Variants in PHC3 observed in about 807,000 individuals in gnomAD.
PHC3 encodes the protein polyhomeotic-like protein 3.
In PHC3, 13 loss-of-function variants were observed where a neutral mutation model predicts 107.4. The ratio of observed to expected loss-of-function variants is 0.12; its 90% CI spans 0.08 to 0.19. The LOEUF is 0.19. Ranked by LOEUF, PHC3 falls within the 10% of genes least tolerant of loss-of-function variation. The pLI, the probability that PHC3 is intolerant of heterozygous loss-of-function variation, is 1.00. For missense variants in PHC3, 992 were observed against 1,210.9 expected (o/e 0.82, Z 2.68); for synonymous variants, 456 against 427.4 (o/e 1.07, Z -0.83).
At chr3:170,170,023 A>G (rs1481713574) in intron 4 of PHC3, 1 of 151,138 alleles carries the variant, frequency 6.6e-6, no homozygotes, top group Non-Finnish European at 1.5e-5. Flanking sequence ...TCTTGTTCAC[A>G]CTCCAGGACA....
intron 11 of PHC3, among the ~76,000 whole-genome samples, chr3:170,110,037 C>T (rs2108317132): frequency 6.6e-6 from 1 of 152,218 alleles, no homozygotes; most frequent in African/African-American, 2.4e-5. Flanking sequence ...TATATTATCT[C>T]TACATCTTCC....
rs1714725748 is a variant in PHC3 at position 170,097,137 on chromosome 3, T to A, written c.*93A>T. The A allele has an allele frequency of 1.7e-5, 22 of 1,271,422 alleles. No homozygotes were observed. Among genetic ancestry groups the A allele is most frequent in the Non-Finnish European group, 2.3e-5 (22 of 944,252 alleles). The allele number at this position is 1,271,422 out of a possible 1,614,324, so 78.8% of individuals were successfully genotyped here. On this transcript the variant is annotated 3_prime_UTR_variant, in exon 15 of 15. Transcript: ENST00000495893. The surrounding 1 kb of genome is among the most constrained non-coding windows in gnomAD (Gnocchi z 4.1). ...CAATGTGCTTGGCTATCCACCACAA[T>A]AAGTGTCATATTCTAGACCAAGTTA...
chr3:170,098,351 C>T (rs969695244), intron 14 of PHC3, among the ~76,000 whole-genome samples: 1 of 152,076 alleles, frequency 6.6e-6, no homozygotes, highest in African/African-American at 2.4e-5. Flanking sequence ...TAAAAACTGA[C>T]AGCTTAAGTT....
chr3:170,115,877 TCACA>T (rs148039100), intron 10 of PHC3, among the ~76,000 whole-genome samples: 16 of 148,566 alleles, frequency 1.1e-4, no homozygotes, highest in East Asian at 6.0e-4. Flanking sequence ...TCCAAGTTTC[TCACA>T]CACACACACA....
At chr3:170,179,648 T>C (rs1389475426) in intron 1 of PHC3, among the ~76,000 whole-genome samples, 1 of 152,216 alleles carries the variant, frequency 6.6e-6, no homozygotes, top group Non-Finnish European at 1.5e-5. Context: ...TTTGAAAACA[T>C]AAATTATGTC....
intron 4 of PHC3, among the ~76,000 whole-genome samples, chr3:170,168,430 A>G (rs1363237250): frequency 6.6e-6 from 1 of 152,180 alleles, no homozygotes; most frequent in East Asian, 1.9e-4. Context: ...ATAAACCTAA[A>G]GGCTCAGTCC....
Position 170,149,155 on chromosome 3 carries a change from A to C in PHC3, c.504T>G (p.Thr168=). ...TAGGGGAAGTACTCCCTAGTAACAT[A>C]GTCTGTTGGGTAATACTGCCGCTGG... The part of the protein sequence containing the change: ...SSTSGSITQQ[T]MLLGSTSPTL... The change falls in exon 5 of 15, where the codon ACT becomes ACG. Residue 168 remains threonine, a synonymous_variant. Coordinates refer to ENST00000495893, the MANE Select transcript of PHC3 (RefSeq NM_024947.4). The C allele has an allele frequency of 3.1e-6, 5 of 1,613,354 alleles. No homozygotes were observed. Among genetic ancestry groups the C allele is most frequent in the Non-Finnish European group, 4.2e-6 (5 of 1,179,768 alleles).
chr3:170,127,658 C>T (rs530259998), intron 8 of PHC3, among the ~76,000 whole-genome samples: 23 of 152,168 alleles, frequency 1.5e-4, no homozygotes, highest in African/African-American at 4.6e-4. Flanking sequence ...AAAAATACTT[C>T]GAAACTCCTT....
intron 4 of PHC3, among the ~76,000 whole-genome samples, chr3:170,158,499 G>A (rs139719368): frequency 0.012 from 1,857 of 152,194 alleles, 40 homozygotes; most frequent in African/African-American, 0.042. Flanking sequence ...CTACTTGGGA[G>A]GCTGAGGCAG....
rs193034527 is a variant in PHC3 at position 170,164,262 on chromosome 3, A to G, written c.414+7111T>C. 2.0e-4 allele frequency among the ~76,000 whole-genome samples: 31 copies of G among 152,326 alleles called. No individual in the cohort carries two copies. In the East Asian group the frequency reaches 5.2e-3, roughly 26 times the overall value. On this transcript the variant is annotated intron_variant, in intron 4 of 14. Transcript: ENST00000495893. Reference sequence around the variant, plus strand: ...TTTAAACAAAACTTTGTGAGAGAAAATGGGACTACTGAAGGGAAGTAGTCA... The same window carrying G: ...TTTAAACAAAACTTTGTGAGAGAAAGTGGGACTACTGAAGGGAAGTAGTCA...
In PHC3 at chr3:170,110,595, T is replaced by A. The variant is rs78325080; in HGVS notation, c.2353+2765A>T. 2.0e-3 allele frequency among the ~76,000 whole-genome samples: 307 copies of A among 152,334 alleles called. 2 individuals are homozygous for A. The highest frequency in any genetic ancestry group is 7.2e-3 in the African/African-American group (299 of 41,586). ...TAATTCAGTGTGACTATACCATCTG[T>A]AGCTCCTTCGTTACCTTTCTGTATG... is the stretch of plus-strand genomic sequence containing the variant. On this transcript the variant is annotated intron_variant, in intron 11 of 14. Coordinates refer to ENST00000495893, the MANE Select transcript of PHC3 (RefSeq NM_024947.4).
rs56986650 is a variant in PHC3 at position 170,163,461 on chromosome 3, AGTGTGTGTGTGTGTGTGTGTGT to A, written c.414+7890_414+7911del. On this transcript the variant is annotated intron_variant, in intron 4 of 14. Transcript: ENST00000495893. Reference sequence around the variant, plus strand: ...GAAAATTCCCAAATATTTAGTAAAGAGTGTGTGTGTGTGTGTGTGTGTGTGTGTGTGTGTGTGTGTGTGATGG... The same window carrying A: ...GAAAATTCCCAAATATTTAGTAAAGAGTGTGTGTGTGTGTGTGTGTGATGG... 4.8e-5 allele frequency among the ~76,000 whole-genome samples: 7 copies of A among 146,318 alleles called. No individual in the cohort carries two copies. The East Asian group carries it at 1.0e-3, about 21-fold the overall frequency.
intron 1 of PHC3, among the ~76,000 whole-genome samples, chr3:170,180,424 G>A (rs546289758): frequency 4.0e-4 from 61 of 152,204 alleles, no homozygotes; most frequent in African/African-American, 1.3e-3. Context: ...ACTCCAGCCT[G>A]GGAGATAAGA....
At chr3:170,111,879 T>G (rs1333057388) in intron 11 of PHC3, among the ~76,000 whole-genome samples, 1 of 152,194 alleles carries the variant, frequency 6.6e-6, no homozygotes, top group Non-Finnish European at 1.5e-5. Flanking sequence ...GCACACAGTA[T>G]AGGCTCAATA....
intron 11 of PHC3, among the ~76,000 whole-genome samples, chr3:170,109,127 C>A (rs1717140017): frequency 6.6e-6 from 1 of 152,074 alleles, no homozygotes; most frequent in African/African-American, 2.4e-5. Context: ...TAGAAAACTG[C>A]CAAAACACTT....
chr3:170,117,257 A>G lies in PHC3; in HGVS notation c.2162T>C (p.Phe721Ser). The G allele has an allele frequency of 6.2e-7, 1 of 1,613,990 alleles. No individual in the cohort carries two copies. Among genetic ancestry groups the G allele is most frequent in the Non-Finnish European group, 8.5e-7 (1 of 1,179,870 alleles). Residue 721 changes from phenylalanine to serine, a missense_variant, in exon 10 of 15, where the codon TTT becomes TCT. Transcript: ENST00000495893. ...PQILTHVIEG[F>S]VIQEGLEPFP... ...TGGCTCCAATCCCTCCTGAATCACA[A>G]AGCCTTCAATAACATGGGTTAGGAT...
intron 6 of PHC3, among the ~76,000 whole-genome samples, chr3:170,138,835 C>T (rs572222737): frequency 1.3e-5 from 2 of 152,262 alleles, no homozygotes; most frequent in African/African-American, 2.4e-5. Context: ...TCTCATATTC[C>T]ACCCAAACTG....
chr3:170,167,712 A>C (rs1295030435), intron 4 of PHC3, among the ~76,000 whole-genome samples: 2 of 150,996 alleles, frequency 1.3e-5, no homozygotes, highest in African/African-American at 4.9e-5. Context: ...ATGAGCCAAG[A>C]TCACACCACT....
chr3:170,171,089 CT>C (rs1729512458), intron 4 of PHC3: 2 of 461,332 alleles, frequency 4.3e-6, no homozygotes, highest in Non-Finnish European at 7.5e-6. Flanking sequence ...ATATTTTAGG[CT>C]TTCAATACAC....
Sources: gnomAD v4.1 joint callset for allele counts (sites outside exome capture counted in the v4.1 genomes callset) on GRCh38, gnomAD v4.1.1 for gene constraint, Gnocchi (gnomAD v3.1) non-coding constraint, MANE v1.5 for transcripts, NCBI Gene and HGNC (gene_info 2026-07-23, HGNC 2026-07-21) for gene names.